SLC35E2B: variants seen among roughly 807,000 people sequenced by gnomAD.
The protein encoded by SLC35E2B is solute carrier family 35 member E2B.
A neutral mutation model predicts 32.4 loss-of-function variants in SLC35E2B; 18 were observed. The observed-to-expected ratio is 0.56, with a 90% confidence interval of 0.38 to 0.82. The LOEUF is 0.82. Among genes scored for constraint, SLC35E2B ranks in the 40% least tolerant of loss-of-function variants. The pLI is 0.00. For missense variants in SLC35E2B, 263 were observed against 469.5 expected (o/e 0.56, Z 4.06); for synonymous variants, 132 against 209.1 (o/e 0.63, Z 3.18).
intron 2 of SLC35E2B, among the ~76,000 whole-genome samples, chr1:1,685,696 A>G (rs573403255): frequency 1.6e-4 from 25 of 152,298 alleles, no homozygotes; most frequent in African/African-American, 5.3e-4. Flanking sequence ...TGAGGGGAGA[A>G]GCAGAACAAG....
At chr1:1,666,343 G>GT (rs1643545631) in intron 9 of SLC35E2B, among the ~76,000 whole-genome samples, 1 of 152,162 alleles carries the variant, frequency 6.6e-6, no homozygotes, top group Non-Finnish European at 1.5e-5. Flanking sequence ...AGAAACCTAA[G>GT]TAACGGCCAC....
chr1:1,675,133 C>G (rs1455876268), intron 5 of SLC35E2B, among the ~76,000 whole-genome samples: 2 of 149,622 alleles, frequency 1.3e-5, no homozygotes, highest in Admixed American at 1.3e-4. Context: ...GCGGCCCCCA[C>G]CCGTCCTCTT....
intron 2 of SLC35E2B, among the ~76,000 whole-genome samples, chr1:1,689,354 C>A (rs1435218637): frequency 6.6e-6 from 1 of 151,762 alleles, no homozygotes; most frequent in Non-Finnish European, 1.5e-5. Context: ...CTGACACAGC[C>A]CTGACTGTGC....
chr1:1,675,500 C>T lies in SLC35E2B; in HGVS notation c.549G>A (p.Thr183=), dbSNP rs763820450. The change falls in exon 5 of 10, where the codon ACG becomes ACA. Residue 183 remains threonine (T), a synonymous_variant. Transcript: ENST00000617444. ...CCAGAATCATCCGAGACATGATCAC[C>T]GTGAAGATGGGGGCGGAGCTCTTCA... is the stretch of plus-strand genomic sequence containing the variant. The part of the protein sequence containing the change: ...ETVKSSAPIF[T]VIMSRMILGE... The T allele has an allele frequency of 3.6e-5, 57 of 1,602,262 alleles. No homozygotes were observed. Among genetic ancestry groups the T allele is most frequent in the Non-Finnish European group, 4.5e-5 (53 of 1,174,864 alleles).
intron 2 of SLC35E2B, among the ~76,000 whole-genome samples, chr1:1,684,811 A>AAAAC (rs1570344159): frequency 6.8e-6 from 1 of 147,522 alleles, no homozygotes; most frequent in East Asian, 2.0e-4. Flanking sequence ...AAAAAAAAAA[A>AAAAC]AAACAGGACA....
chr1:1,674,056 G>A lies in SLC35E2B; in HGVS notation c.586+1407C>T, dbSNP rs190869909. ...AAATAATTCCAGAACATCCAAGTCT[G>A]GCTAGTACGTGAATTGGAGAAAAAG... On this transcript the variant is annotated intron_variant, in intron 5 of 9. Coordinates refer to ENST00000617444, the MANE Select transcript of SLC35E2B (RefSeq NM_001290264.2). The A allele has an allele frequency of 9.2e-4, 169 of 184,246 alleles. 1 individual carries two copies. Among genetic ancestry groups the A allele is most frequent in the Non-Finnish European group, 1.4e-3 (109 of 79,714 alleles). The allele number at this position is 184,246 out of a possible 1,614,324, so 11.4% of individuals were successfully genotyped here.
intron 2 of SLC35E2B, among the ~76,000 whole-genome samples, chr1:1,683,503 G>A (rs1643917554): frequency 6.6e-6 from 1 of 152,214 alleles, no homozygotes; most frequent in African/African-American, 2.4e-5. Context: ...GGCAGGTGCT[G>A]GGTTTCAGGC....
intron 2 of SLC35E2B, among the ~76,000 whole-genome samples, chr1:1,688,096 G>A (rs1476776896): frequency 6.6e-6 from 1 of 151,960 alleles, no homozygotes; most frequent in Admixed American, 6.6e-5. Context: ...TTGAAAGGCA[G>A]AGTACGTAAC....
At chr1:1,692,066 GA>G (rs1295951412) in intron 1 of SLC35E2B, among the ~76,000 whole-genome samples, 18 of 69,182 alleles carry the variant, frequency 2.6e-4, no homozygotes, top group African/African-American at 8.7e-4. Flanking sequence ...CTCCATTAAA[GA>G]AAAAAAAAAA....
intron 2 of SLC35E2B, among the ~76,000 whole-genome samples, chr1:1,680,605 G>A (rs573092707): frequency 3.9e-5 from 6 of 152,230 alleles, no homozygotes; most frequent in African/African-American, 1.4e-4. Context: ...GTGGGTGACT[G>A]TCCCGTCCCT....
intron 5 of SLC35E2B, chr1:1,671,966 G>A (rs927809301): frequency 3.0e-4 from 59 of 196,168 alleles, no homozygotes; most frequent in African/African-American, 1.1e-3. Flanking sequence ...GGTCCCCAGG[G>A]AACTGCAGAG....
intron 2 of SLC35E2B, among the ~76,000 whole-genome samples, chr1:1,689,218 C>T (rs962759110): frequency 2.0e-5 from 3 of 152,156 alleles, no homozygotes; most frequent in South Asian, 2.1e-4. Context: ...GGAGGCACCA[C>T]GAGTTGCTGA....
intron 9 of SLC35E2B, among the ~76,000 whole-genome samples, chr1:1,666,748 G>C (rs1296856799): frequency 6.6e-6 from 1 of 151,572 alleles, no homozygotes; most frequent in Non-Finnish European, 1.5e-5. Context: ...GGCTGGGCGT[G>C]GGGGCTCATG....
chr1:1,663,311 G>C lies in SLC35E2B; in HGVS notation c.*2471C>G, dbSNP rs111597796. The stretch of plus-strand genomic sequence containing the variant: ...GCTGTGCGGCTGGAAATTCCAAGGT[G>C]CTCAGAACCAGGCGCCTGCACCTCT... On this transcript the variant is annotated 3_prime_UTR_variant, in exon 10 of 10. Transcript: ENST00000617444. 2.0e-6 allele frequency: 2 copies of C among 981,004 alleles called. No individual in the cohort carries two copies. The highest frequency in any genetic ancestry group is 2.4e-6 in the Non-Finnish European group (2 of 827,068). The allele number at this position is 981,004 out of a possible 1,614,324, so 60.8% of individuals were successfully genotyped here.
intron 5 of SLC35E2B, chr1:1,673,169 G>A (rs1394996830): frequency 4.3e-6 from 1 of 234,414 alleles, no homozygotes; most frequent in Non-Finnish European, 8.8e-6. Context: ...AAGGAGTTCA[G>A]GACCAGCATG....
chr1:1,665,783 CAG>C lies in SLC35E2B; in HGVS notation c.1215_1216del (p.Ter406ArgfsTer12). On this transcript the variant is annotated frameshift_variant and stop_lost, in exon 10 of 10. Coordinates refer to ENST00000617444, the MANE Select transcript of SLC35E2B (RefSeq NM_001290264.2). LOFTEE classifies it high-confidence loss of function. ...GCAGCAGCTGGCAGCTTCCTGCTCTCAGGGATGCTGCCTGGGGTCCTGTGGAA... is the reference window on the plus strand; with the variant it reads ...GCAGCAGCTGGCAGCTTCCTGCTCTCGGATGCTGCCTGGGGTCCTGTGGAA... 6.5e-7 allele frequency: 1 copy of C among 1,550,108 alleles called. No individual in the cohort carries two copies. The highest frequency in any genetic ancestry group is 8.7e-7 in the Non-Finnish European group (1 of 1,146,516).
chr1:1,672,668 A>G (rs1003905233), intron 5 of SLC35E2B: 6 of 152,240 alleles, frequency 3.9e-5, no homozygotes, highest in African/African-American at 1.2e-4. Context: ...ATCTCAGTTG[A>G]AGGTCTGGCA....
At chr1:1,672,272 G>A (rs1160725221) in intron 5 of SLC35E2B, 1 of 152,294 alleles carries the variant, frequency 6.6e-6, no homozygotes, top group African/African-American at 2.4e-5. Context: ...CACCTGCACG[G>A]GGGAGGCCGA....
At chr1:1,679,701 T>A (rs891460780) in intron 2 of SLC35E2B, among the ~76,000 whole-genome samples, 17 of 150,934 alleles carry the variant, frequency 1.1e-4, no homozygotes, top group East Asian at 5.8e-4. Context: ...GTGTGGTGGC[T>A]GGCACCTGTA....
Sources: gnomAD v4.1 joint callset for allele counts (sites outside exome capture counted in the v4.1 genomes callset) on GRCh38, gnomAD v4.1.1 for gene constraint, MANE v1.5 for transcripts, NCBI Gene and HGNC (gene_info 2026-07-23, HGNC 2026-07-21) for gene names.